NWD1: variants seen among roughly 807,000 people sequenced by gnomAD.
NWD1 encodes NACHT domain- and WD repeat-containing protein 1.
NWD1 carries 129 observed loss-of-function variants against 135.1 expected under a neutral mutation model. The ratio of observed to expected loss-of-function variants is 0.96; its 90% CI spans 0.83 to 1.11. The LOEUF is 1.11. NWD1 is among the 50% of genes least tolerant of loss of function. The probability of loss-of-function intolerance (pLI) is 0.00; values close to 1 mark genes in which losing one functional copy is unlikely to be tolerated. For synonymous variants in NWD1, 773 were observed against 786.0 expected, an observed-to-expected ratio of 0.98 and a Z score of 0.28; for missense variants, 1,740 against 1,851.3, an observed-to-expected ratio of 0.94 and a Z score of 1.10.
Position 16,744,198 on chromosome 19 carries a change from G to A in NWD1, c.199-223G>A, listed in dbSNP as rs552898214. 9.9e-5 allele frequency among the ~76,000 whole-genome samples: 15 copies of A among 152,118 alleles called. 1 individual carries two copies. In the South Asian group the frequency reaches 1.7e-3, roughly 17 times the overall value. On this transcript the variant is annotated intron_variant, in intron 4 of 18. Transcript: ENST00000524140. ...GAGTACAGGAGTTCAATACCAGCCC[G>A]GGTAATGTAGTGAGACCCTATCTGT...
Position 16,750,015 on chromosome 19 carries a change from GC to G in NWD1, c.1379del (p.Pro460ArgfsTer33). ...AGGGTTCCCTGGCTGCCTCTCAACTGCCCCCCGAGGGTGCACCTCATCCTCT... is the reference window on the plus strand; with the variant it reads ...AGGGTTCCCTGGCTGCCTCTCAACTGCCCCCGAGGGTGCACCTCATCCTCT... ...ARRVPWLPLNCPPRVHLILSA... is the reference protein window; with the variant it reads ...ARRVPWLPLNXPPRVHLILSA... On this transcript the variant is annotated frameshift_variant, in exon 6 of 19. Coordinates refer to ENST00000524140, the MANE Select transcript of NWD1 (RefSeq NM_001007525.5). LOFTEE classifies it high-confidence loss of function. 1.2e-6 allele frequency: 2 copies of G among 1,613,810 alleles called. No homozygotes were observed. The highest frequency in any genetic ancestry group is 1.7e-6 in the Non-Finnish European group (2 of 1,179,966).
At chr19:16,734,058 C>G (rs908694558) in intron 3 of NWD1, among the ~76,000 whole-genome samples, 5 of 152,152 alleles carry the variant, frequency 3.3e-5, no homozygotes, top group African/African-American at 1.2e-4. Context: ...CCTACCTGAA[C>G]TGAGCTGTTC....
intron 15 of NWD1, among the ~76,000 whole-genome samples, chr19:16,795,415 CTTTTTTT>C (rs869281364): frequency 7.3e-6 from 1 of 136,348 alleles, no homozygotes; most frequent in Non-Finnish European, 1.6e-5. Context: ...TGCTAATTAC[CTTTTTTT>C]TTTTTTTTTT....
At chr19:16,763,679 A>G (rs1456413004) in intron 8 of NWD1, 149 bp from the exon 9 acceptor site, 1 of 618,950 alleles carries the variant, frequency 1.6e-6, no homozygotes. Context: ...TCCAGCCCTG[A>G]CCAATGGGCA....
In NWD1 at chr19:16,808,058, G is replaced by A. The variant is rs943538123; in HGVS notation, c.4209G>A (p.Val1403=). The A allele has an allele frequency of 1.2e-6, 2 of 1,614,008 alleles. No individual in the cohort carries two copies. The highest frequency in any genetic ancestry group is 1.7e-5 in the Admixed American group (1 of 59,976). ...CVEVSHKEQL[V]VSGSEDALLC... is the part of the protein sequence containing the mutation. ...AGGTCAGCCACAAGGAGCAGCTGGT[G>A]GTCAGCGGGTCTGAGGATGCCCTGC... Residue 1403 remains valine (V), a synonymous_variant, in exon 18 of 19, where the codon GTG becomes GTA. Coordinates refer to ENST00000524140, the MANE Select transcript of NWD1 (RefSeq NM_001007525.5).
chr19:16,817,943 G>A lies in NWD1; in HGVS notation c.*2904G>A, dbSNP rs1008483777. ...GGAAATGCCTTTTTACTAATAAAAT[G>A]CTACAACAAATTATTGCTTATATTG... On this transcript the variant is annotated 3_prime_UTR_variant, in exon 19 of 19. Coordinates refer to ENST00000524140, the MANE Select transcript of NWD1 (RefSeq NM_001007525.5). The A allele has an allele frequency of 2.0e-5, 3 of 152,030 alleles. No homozygotes were observed. Among genetic ancestry groups the A allele is most frequent in the Admixed American group, 6.6e-5 (1 of 15,238 alleles). 9.4% of individuals were successfully genotyped at this position (152,030 alleles called of 1,614,324 possible).
chr19:16,800,092 C>T lies in NWD1; in HGVS notation c.3666C>T (p.His1222=), dbSNP rs892001127. The change falls in exon 17 of 19, where the codon CAC becomes CAT. Residue 1222 remains histidine, a synonymous_variant. Coordinates refer to ENST00000524140, the MANE Select transcript of NWD1 (RefSeq NM_001007525.5). ...GCACCGGCCTCACCGCAGTGTCCCACAATGGAAGCTACGTCTACTTCCCCA... is the reference window on the plus strand; with the variant it reads ...GCACCGGCCTCACCGCAGTGTCCCATAATGGAAGCTACGTCTACTTCCCCA... The part of the protein sequence containing the change: ...LDRTGLTAVS[H]NGSYVYFPKI... The T allele has an allele frequency of 8.1e-6, 13 of 1,614,028 alleles. No homozygotes were observed. Among genetic ancestry groups the T allele is most frequent in the Non-Finnish European group, 9.3e-6 (11 of 1,179,932 alleles).
At chr19:16,761,945 C>A in intron 7 of NWD1, 34 bp from the exon 8 acceptor site, 2 of 1,577,504 alleles carry the variant, frequency 1.3e-6, no homozygotes, top group Non-Finnish European at 1.7e-6. Flanking sequence ...TGATGGGTCA[C>A]CCAGGTCTAT....
chr19:16,731,300 C>G, intron 3 of NWD1, 22 bp downstream of exon 3: 1 of 1,422,662 alleles, frequency 7.0e-7, no homozygotes, highest in Non-Finnish European at 9.6e-7. Flanking sequence ...TCACTCCGGG[C>G]TCCATGCTTT....
chr19:16,757,336 T>C (rs1968836728), intron 6 of NWD1, among the ~76,000 whole-genome samples: 1 of 152,084 alleles, frequency 6.6e-6, no homozygotes, highest in South Asian at 2.1e-4. Context: ...CCCTGTGCCC[T>C]CTGGGAGCCT....
chr19:16,783,941 G>T (rs984438742), intron 12 of NWD1, among the ~76,000 whole-genome samples: 2 of 152,076 alleles, frequency 1.3e-5, no homozygotes, highest in Middle Eastern at 3.2e-3. Context: ...GCCGGGCACA[G>T]TGGATCACGT....
At chr19:16,783,441 C>A (rs1437587351) in intron 12 of NWD1, among the ~76,000 whole-genome samples, 1 of 152,018 alleles carries the variant, frequency 6.6e-6, no homozygotes, top group African/African-American at 2.4e-5. Context: ...TTGAGACCAG[C>A]CTGGCTAACA....
chr19:16,794,434 G>T, intron 14 of NWD1, 29 bp from the exon 15 acceptor site: 1 of 1,354,318 alleles, frequency 7.4e-7, no homozygotes, highest in Non-Finnish European at 1.1e-6. Flanking sequence ...CCGTGGAAGT[G>T]CCTGACAGGC....
chr19:16,779,083 C>T (rs1969764302), intron 11 of NWD1, among the ~76,000 whole-genome samples: 6 of 152,182 alleles, frequency 3.9e-5, no homozygotes, highest in Admixed American at 3.9e-4. Context: ...CACTGCTAGA[C>T]TAGACAGACA....
Position 16,766,172 on chromosome 19 carries a change from C to T in NWD1, c.2410+980C>T, listed in dbSNP as rs76883598. On this transcript the variant is annotated intron_variant, in intron 10 of 18. Coordinates refer to ENST00000524140, the MANE Select transcript of NWD1 (RefSeq NM_001007525.5). ...GATGAAATTCAAAATATAATAATAA[C>T]TGAGTACAAAACTTCAGGTTCAGAG... Among the ~76,000 whole-genome samples the T allele has an allele frequency of 6.5e-3, 994 of 152,032 alleles. 8 individuals carry two copies. The highest frequency in any genetic ancestry group is 9.5e-3 in the Non-Finnish European group (645 of 68,000).
intron 10 of NWD1, among the ~76,000 whole-genome samples, chr19:16,766,667 C>T (rs921999694): frequency 6.6e-6 from 1 of 152,024 alleles, no homozygotes; most frequent in East Asian, 1.9e-4. Flanking sequence ...CTCACTGCAA[C>T]CTCCGCCTAT....
chr19:16,750,457 C>T, intron 6 of NWD1, 46 bp downstream of exon 6: 1 of 1,401,832 alleles, frequency 7.1e-7, no homozygotes, highest in African/African-American at 1.5e-5. Context: ...TTTATGTTTT[C>T]TTTTTTTATT....
At chr19:16,779,264 G>A in intron 11 of NWD1, 79 bp from the exon 12 acceptor site, 1 of 1,524,444 alleles carries the variant, frequency 6.6e-7, no homozygotes, top group South Asian at 1.1e-5. Context: ...GTGAAGTGGG[G>A]GGCTCATTAG....
intron 12 of NWD1, among the ~76,000 whole-genome samples, chr19:16,787,933 TC>T (rs1443947273): frequency 3.6e-4 from 47 of 130,276 alleles, no homozygotes; most frequent in African/African-American, 1.4e-3. Context: ...ATCATCATCA[TC>T]ATCATCATCA....
Sources: allele counts gnomAD v4.1 joint callset (sites outside exome capture counted in the v4.1 genomes callset), GRCh38; gene constraint gnomAD v4.1.1; transcripts MANE v1.5; gene names NCBI Gene and HGNC (gene_info 2026-07-23, HGNC 2026-07-21).